The following INO80 variants were observed in gnomAD, a reference collection of about 807,000 sequenced individuals.
INO80 encodes the protein INO80 complex ATPase subunit.
In INO80, 20 loss-of-function variants were observed where a neutral mutation model predicts 203.4. That is an observed-to-expected ratio of 0.10 (90% CI 0.07 to 0.14). INO80 has a LOEUF of 0.14. Among genes scored for constraint, INO80 ranks in the 10% least tolerant of loss-of-function variants. The pLI is 1.00. For missense variants in INO80, 1,419 were observed against 1,914.4 expected (o/e 0.74, Z 4.83); for synonymous variants, 726 against 685.2 (o/e 1.06, Z -0.93).
At chr15:41,074,858 C>T (rs1367967883) in intron 9 of INO80, among the ~76,000 whole-genome samples, 1 of 152,104 alleles carries the variant, frequency 6.6e-6, no homozygotes, top group Non-Finnish European at 1.5e-5. Flanking sequence ...TAGTCTCGTA[C>T]CTCAGCCTCC....
intron 17 of INO80, among the ~76,000 whole-genome samples, chr15:41,055,658 T>A (rs2044969495): frequency 6.6e-6 from 1 of 152,136 alleles, no homozygotes; most frequent in African/African-American, 2.4e-5. Flanking sequence ...TTAACGATCT[T>A]CTTATAAAAA....
intron 28 of INO80, among the ~76,000 whole-genome samples, chr15:41,003,844 C>T (rs978707404): frequency 6.6e-6 from 1 of 152,150 alleles, no homozygotes; most frequent in African/African-American, 2.4e-5. Context: ...AAGCATGCCA[C>T]CCCATACCAG....
intron 1 of INO80, among the ~76,000 whole-genome samples, chr15:41,113,635 C>G (rs989009624): frequency 3.3e-5 from 5 of 152,088 alleles, no homozygotes; most frequent in African/African-American, 1.2e-4. Flanking sequence ...TTTTTAGAGA[C>G]AGGGTCTCGC....
intron 12 of INO80, among the ~76,000 whole-genome samples, chr15:41,070,921 C>A (rs1301999513): frequency 6.6e-6 from 1 of 152,206 alleles, no homozygotes; most frequent in Non-Finnish European, 1.5e-5. Context: ...CCCGTCCCGG[C>A]ACTTTGGGAG....
intron 7 of INO80, among the ~76,000 whole-genome samples, chr15:41,081,909 G>T (rs1211386247): frequency 1.3e-5 from 2 of 151,950 alleles, no homozygotes; most frequent in African/African-American, 4.8e-5. Flanking sequence ...ACTAATTAAA[G>T]AGCTATTGTC....
At chr15:40,986,627 TTTTG>T (rs1392442552) in intron 31 of INO80, among the ~76,000 whole-genome samples, 1 of 151,466 alleles carries the variant, frequency 6.6e-6, no homozygotes, top group Non-Finnish European at 1.5e-5. Context: ...TGTTTTTTGT[TTTTG>T]TTTGTTTTTA....
In INO80 at chr15:40,991,463, G is replaced by C. The variant is rs376813947; in HGVS notation, c.3571-3489C>G. Among the ~76,000 whole-genome samples the C allele has an allele frequency of 1.4e-4, 22 of 152,184 alleles. No individual in the cohort carries two copies. In the East Asian group the frequency reaches 4.0e-3, roughly 28 times the overall value. ...GAGACAATGCACCACTGTGGAACAG[G>C]GATGATGCCTATATTTGGCAGTTGG... On this transcript the variant is annotated intron_variant, in intron 29 of 35. Coordinates refer to ENST00000648947, the MANE Select transcript of INO80 (RefSeq NM_017553.3).
intron 10 of INO80, among the ~76,000 whole-genome samples, chr15:41,073,762 A>G (rs2045359354): frequency 6.6e-6 from 1 of 152,218 alleles, no homozygotes; most frequent in South Asian, 2.1e-4. Context: ...TTCTTCTACC[A>G]AATAATACCA....
chr15:41,053,801 G>T, intron 19 of INO80, 128 bp downstream of exon 19: 3 of 577,234 alleles, frequency 5.2e-6, no homozygotes, highest in Non-Finnish European at 8.9e-6. Context: ...AGTCCTCTTT[G>T]ATCCATGCAA....
intron 4 of INO80, 146 bp from the exon 5 acceptor site, chr15:41,092,328 C>A: frequency 1.9e-6 from 1 of 538,948 alleles, no homozygotes; most frequent in Non-Finnish European, 3.1e-6. Context: ...TTTATAAATT[C>A]AACTGAAAAA....
At chr15:41,040,036 A>G in intron 24 of INO80, among the ~76,000 whole-genome samples, 1 of 152,202 alleles carries the variant, frequency 6.6e-6, no homozygotes, top group South Asian at 2.1e-4. Context: ...AGACTGCTAA[A>G]AAGAGGTGAG....
At chr15:41,046,931 T>C (rs1254984777) in intron 23 of INO80, among the ~76,000 whole-genome samples, 3 of 149,754 alleles carry the variant, frequency 2.0e-5, no homozygotes, top group Admixed American at 6.6e-5. Context: ...GTCAACAAAC[T>C]GTACTATTTT....
At chr15:41,033,822 C>T (rs1460479478) in intron 24 of INO80, among the ~76,000 whole-genome samples, 7 of 151,896 alleles carry the variant, frequency 4.6e-5, no homozygotes, top group African/African-American at 7.3e-5. Context: ...GAGGCCAAGG[C>T]GGGAGGATCA....
In INO80 at chr15:41,096,357, C is replaced by G; in HGVS notation, c.-43-4G>C. On this transcript the variant is annotated splice_region_variant and splice_polypyrimidine_tract_variant and intron_variant, in intron 1 of 35. Coordinates refer to ENST00000648947, the MANE Select transcript of INO80 (RefSeq NM_017553.3). Reference sequence around the variant, plus strand: ...ACAAGGACCTCCGACTGCACGGCTGCAGAACAGAGATAAGAAGTGAAAGAT... The same window carrying G: ...ACAAGGACCTCCGACTGCACGGCTGGAGAACAGAGATAAGAAGTGAAAGAT... The G allele has an allele frequency of 6.6e-7, 1 of 1,514,578 alleles. No individual in the cohort carries two copies. The allele number at this position is 1,514,578 out of a possible 1,614,324, so 93.8% of individuals were successfully genotyped here. A position where few individuals can be genotyped will look rare whatever the true frequency, so the allele number is the denominator to read the frequency against.
chr15:40,987,587 C>T lies in INO80; in HGVS notation c.3729+229G>A, dbSNP rs191408863. Among the ~76,000 whole-genome samples the T allele has an allele frequency of 2.7e-3, 409 of 152,324 alleles. 3 individuals carry two copies. The highest frequency in any genetic ancestry group is 0.013 in the South Asian group (61 of 4,826). ...GTGTCAGTCTCCACATGAACAACAG[C>T]TGGATCCAGGCTATGGAAACCATTC... On this transcript the variant is annotated intron_variant, in intron 30 of 35. Transcript: ENST00000648947.
chr15:41,057,269 G>C (rs1458689006), intron 16 of INO80, among the ~76,000 whole-genome samples: 3 of 151,588 alleles, frequency 2.0e-5, no homozygotes, highest in Non-Finnish European at 2.9e-5. Flanking sequence ...AACCTGTGCA[G>C]CATGGAGAAA....
chr15:41,069,699 GA>G, intron 13 of INO80, 34 bp from the exon 14 acceptor site: 1 of 1,179,460 alleles, frequency 8.5e-7, no homozygotes, highest in Non-Finnish European at 1.2e-6. Context: ...CCAACTACAG[GA>G]AAAGGGAAGG....
At chr15:41,089,220 T>TA (rs769914974) in intron 5 of INO80, among the ~76,000 whole-genome samples, 2 of 151,864 alleles carry the variant, frequency 1.3e-5, no homozygotes, top group African/African-American at 2.4e-5. Context: ...AAAATAAACA[T>TA]AAAAAACAAG....
At chr15:41,008,765 C>T (rs1246184123) in intron 27 of INO80, among the ~76,000 whole-genome samples, 1 of 152,198 alleles carries the variant, frequency 6.6e-6, no homozygotes, top group Non-Finnish European at 1.5e-5. Flanking sequence ...AGCACTTGTA[C>T]CACCTGAGGT....
Sources: gnomAD v4.1 joint callset for allele counts (sites outside exome capture counted in the v4.1 genomes callset) on GRCh38, gnomAD v4.1.1 for gene constraint, MANE v1.5 for transcripts, NCBI Gene and HGNC (gene_info 2026-07-23, HGNC 2026-07-21) for gene names.